Variants in PPP1R13B observed in about 807,000 individuals in gnomAD.
PPP1R13B encodes apoptosis-stimulating of p53 protein 1.
Under a neutral mutation model 119.8 loss-of-function variants are expected in PPP1R13B, and 44 were observed. The observed-to-expected ratio is 0.37, with a 90% CI of 0.29 to 0.47. The LOEUF is 0.47. Among genes scored for constraint, PPP1R13B ranks in the 20% least tolerant of loss-of-function variants. The pLI is 0.99. For synonymous variants in PPP1R13B, 542 were observed against 561.5 expected (o/e 0.97, Z 0.49); for missense variants, 1,227 against 1,413.5 (o/e 0.87, Z 2.12).
chr14:103,830,383 A>G (rs1009061216), intron 1 of PPP1R13B, among the ~76,000 whole-genome samples: 1 of 152,166 alleles, frequency 6.6e-6, no homozygotes, highest in Non-Finnish European at 1.5e-5. Flanking sequence ...GGAGTGAGCC[A>G]CCTTGCCCAG....
Position 103,740,445 on chromosome 14 carries a change from G to A in PPP1R13B, c.1971C>T (p.Pro657=), listed in dbSNP as rs762916163. The change falls in exon 12 of 17, where the codon CCC becomes CCT. Residue 657 remains proline, a synonymous_variant. Coordinates refer to ENST00000202556, the MANE Select transcript of PPP1R13B (RefSeq NM_015316.3). The surrounding 1 kb of genome is among the most constrained non-coding windows in gnomAD (Gnocchi z 4.6). ...GGCTCTCCACGGTGCTGCCATCTGCGGGGGCGGCGGGGCCATCCTGCTCAG... is the reference window on the plus strand; with the variant it reads ...GGCTCTCCACGGTGCTGCCATCTGCAGGGGCGGCGGGGCCATCCTGCTCAG... ...KEPEQDGPAA[P]ADGSTVESLP... is the part of the protein sequence containing the mutation. 4.5e-5 allele frequency: 73 copies of A among 1,606,250 alleles called. No individual in the cohort carries two copies. Among genetic ancestry groups the A allele is most frequent in the Admixed American group, 2.0e-4 (12 of 59,380 alleles).
chr14:103,787,327 T>C (rs1442802822), intron 2 of PPP1R13B, among the ~76,000 whole-genome samples: 1 of 151,852 alleles, frequency 6.6e-6, no homozygotes, highest in Non-Finnish European at 1.5e-5. Flanking sequence ...CGCATGCCTG[T>C]GGTTCCAGCT....
chr14:103,754,242 T>C lies in PPP1R13B; in HGVS notation c.459A>G (p.Glu153=), dbSNP rs1373979895. 2 of 1,601,012 alleles carry C rather than the reference T, an allele frequency of 1.2e-6. No homozygotes were observed. The highest frequency in any genetic ancestry group is 1.7e-6 in the Non-Finnish European group (2 of 1,175,152). ...GTTGCTTTAGAAAATGTAAACGCTGTTCCTAACAAAAGAAAGAAAAATGTA... is the reference window on the plus strand; with the variant it reads ...GTTGCTTTAGAAAATGTAAACGCTGCTCCTAACAAAAGAAAGAAAAATGTA... ...ENQQQMLVAK[E]QRLHFLKQQE... The change falls in exon 6 of 17, where the codon GAA becomes GAG. Residue 153 remains glutamate (E), a splice_region_variant and synonymous_variant. Coordinates refer to ENST00000202556, the MANE Select transcript of PPP1R13B (RefSeq NM_015316.3).
chr14:103,741,833 G>A lies in PPP1R13B; in HGVS notation c.1779C>T (p.Tyr593=). 1 of 1,614,234 alleles carries A rather than the reference G, an allele frequency of 6.2e-7. No individual in the cohort carries two copies. Among genetic ancestry groups the A allele is most frequent in the Non-Finnish European group, 8.5e-7 (1 of 1,180,034 alleles). Reference sequence around the variant, plus strand: ...TTAAGGCGCTGTGTGCTGCCGGCTGGTAATTCTTAGGTGGTGTGGCTTGCT... The same window carrying A: ...TTAAGGCGCTGTGTGCTGCCGGCTGATAATTCTTAGGTGGTGTGGCTTGCT... ...YLQQATPPKN[Y]QPAAHSALNK... The change falls in exon 11 of 17, where the codon TAC becomes TAT. Residue 593 remains tyrosine (Y), a synonymous_variant. Transcript: ENST00000202556.
intron 4 of PPP1R13B, among the ~76,000 whole-genome samples, chr14:103,776,182 G>GAGGGAGGA (rs1567114207): frequency 2.6e-5 from 2 of 76,444 alleles, no homozygotes; most frequent in Admixed American, 2.9e-4. Context: ...GGGAGGGAGG[G>GAGGGAGGA]AGGGAGGAAG....
At chr14:103,778,920 G>A (rs2152016651) in intron 3 of PPP1R13B, 99 bp from the exon 4 acceptor site, 3 of 913,740 alleles carry the variant, frequency 3.3e-6, no homozygotes, top group East Asian at 2.5e-5. Context: ...GAACACAAGT[G>A]TAAAATACCA....
At chr14:103,791,522 C>T (rs2085620453) in intron 2 of PPP1R13B, among the ~76,000 whole-genome samples, 1 of 152,084 alleles carries the variant, frequency 6.6e-6, no homozygotes, top group African/African-American at 2.4e-5. Context: ...GTCAGGAATT[C>T]GAGACCAGCC....
At chr14:103,824,267 A>G (rs2086484166) in intron 1 of PPP1R13B, among the ~76,000 whole-genome samples, 1 of 150,274 alleles carries the variant, frequency 6.7e-6, no homozygotes, top group Admixed American at 6.6e-5. Flanking sequence ...GATGGTCTCA[A>G]TCTCCTGACC....
At chr14:103,787,788 G>A (rs1209243673) in intron 2 of PPP1R13B, among the ~76,000 whole-genome samples, 1 of 151,634 alleles carries the variant, frequency 6.6e-6, no homozygotes, top group African/African-American at 2.4e-5. Context: ...CGAATAGCTG[G>A]GACTACAGGT....
chr14:103,792,940 G>A (rs1254541551), intron 2 of PPP1R13B, among the ~76,000 whole-genome samples: 3 of 151,728 alleles, frequency 2.0e-5, no homozygotes, highest in African/African-American at 4.8e-5. Flanking sequence ...GCATGGTGGC[G>A]CATGCCTGTA....
intron 4 of PPP1R13B, among the ~76,000 whole-genome samples, chr14:103,774,651 C>T (rs553727798): frequency 6.7e-6 from 1 of 150,036 alleles, no homozygotes. Context: ...AACCCACACT[C>T]CCCCCTTTCT....
At chr14:103,746,706 G>C (rs1311735524) in intron 8 of PPP1R13B, 153 bp from the exon 9 acceptor site, 6 of 588,792 alleles carry the variant, frequency 1.0e-5, no homozygotes, top group Non-Finnish European at 1.7e-5. Context: ...ATCTAGAAGG[G>C]GAGACTGTGG....
At chr14:103,735,634 C>G (rs1053074896) in intron 16 of PPP1R13B, among the ~76,000 whole-genome samples, 1 of 152,320 alleles carries the variant, frequency 6.6e-6, no homozygotes, top group East Asian at 1.9e-4. Flanking sequence ...GCAGCCTGCA[C>G]GTTCCCACCT....
At chr14:103,841,589 CAAAAAGAAAA>C (rs1279153962) in intron 1 of PPP1R13B, among the ~76,000 whole-genome samples, 3 of 149,806 alleles carry the variant, frequency 2.0e-5, no homozygotes, top group African/African-American at 7.3e-5. Context: ...CACTCCAACT[CAAAAAGAAAA>C]AAAAAGAAAA....
intron 4 of PPP1R13B, among the ~76,000 whole-genome samples, chr14:103,765,553 C>T (rs2084918316): frequency 6.6e-6 from 1 of 152,152 alleles, no homozygotes; most frequent in African/African-American, 2.4e-5. Context: ...CATCCTTGCC[C>T]TAAATAAAGG....
intron 1 of PPP1R13B, among the ~76,000 whole-genome samples, chr14:103,844,297 G>A (rs1430575439): frequency 6.6e-6 from 1 of 151,818 alleles, no homozygotes; most frequent in Non-Finnish European, 1.5e-5. Flanking sequence ...AAGGTGGAAA[G>A]TCACAGCACT....
At chr14:103,769,249 C>T (rs1297466732) in intron 4 of PPP1R13B, among the ~76,000 whole-genome samples, 1 of 151,472 alleles carries the variant, frequency 6.6e-6, no homozygotes, top group African/African-American at 2.4e-5. Flanking sequence ...CCATGCCAGG[C>T]TAATATTTGT....
intron 1 of PPP1R13B, among the ~76,000 whole-genome samples, chr14:103,822,414 A>C (rs2086431925): frequency 6.6e-6 from 1 of 152,062 alleles, no homozygotes; most frequent in Non-Finnish European, 1.5e-5. Context: ...GGATTAGAAG[A>C]AGCGTGAGCC....
chr14:103,744,914 C>T (rs1245158101), intron 9 of PPP1R13B, among the ~76,000 whole-genome samples: 1 of 152,242 alleles, frequency 6.6e-6, no homozygotes, highest in African/African-American at 2.4e-5. Context: ...GCTGCAACCC[C>T]TTGAGGCAGC....
Sources: gnomAD v4.1 joint callset for allele counts (sites outside exome capture counted in the v4.1 genomes callset) on GRCh38, gnomAD v4.1.1 for gene constraint, Gnocchi (gnomAD v3.1) non-coding constraint, MANE v1.5 for transcripts, NCBI Gene and HGNC (gene_info 2026-07-23, HGNC 2026-07-21) for gene names.